Variants in CROCC observed in about 807,000 individuals in gnomAD.
The protein encoded by CROCC is ciliary rootlet coiled-coil, rootletin.
CROCC carries 180 observed loss-of-function variants against 245.2 expected under a neutral mutation model. The observed-to-expected ratio is 0.73, with a 90% CI of 0.65 to 0.83. CROCC has a LOEUF of 0.83. CROCC is among the 40% of genes least tolerant of loss of function. CROCC has a pLI of 0.00. For missense variants in CROCC, 2,688 were observed against 2,779.4 expected (o/e 0.97, Z 0.74); for synonymous variants, 1,205 against 1,241.6 (o/e 0.97, Z 0.62).
chr1:16,970,428 T>C lies in CROCC; in HGVS notation c.5627T>C (p.Val1876Ala). 2 of 1,600,158 alleles carry C rather than the reference T, an allele frequency of 1.2e-6. No individual in the cohort carries two copies. Among genetic ancestry groups the C allele is most frequent in the Middle Eastern group, 1.8e-4 (1 of 5,628 alleles). ...GCCCTGCGGCTGGAGAAGGACCGTG[T>C]AGCCCTCAGGAGGACGCTGGACAAG... ...RSALRLEKDR[V>A]ALRRTLDKVE... The change falls in exon 34 of 37, where the codon GTA becomes GCA. Residue 1876 changes from valine to alanine, a missense_variant. By Grantham distance (64) the Val-to-Ala change is moderately conservative. Around this residue, in one of 9 missense-constraint regions of CROCC, gnomAD observed 1,218 missense variants for 1,286.3 expected, o/e 0.95. Coordinates refer to ENST00000375541, the MANE Select transcript of CROCC (RefSeq NM_014675.5).
Position 16,968,188 on chromosome 1 carries a change from C to T in CROCC, c.4861-15C>T. On this transcript the variant is annotated splice_polypyrimidine_tract_variant and intron_variant, in intron 30 of 36. Coordinates refer to ENST00000375541, the MANE Select transcript of CROCC (RefSeq NM_014675.5). ...TGCACTGGACGTCTGGGCCTGAGCC[C>T]CATGCCACCTGCAGGAGAAGATCAG... 6.4e-7 allele frequency: 1 copy of T among 1,553,650 alleles called. No individual in the cohort carries two copies. The highest frequency in any genetic ancestry group is 8.7e-7 in the Non-Finnish European group (1 of 1,149,516).
At chr1:16,969,617 C>T (rs1389585459) in intron 32 of CROCC, among the ~76,000 whole-genome samples, 168 bp from the exon 33 acceptor site, 1 of 152,172 alleles carries the variant, frequency 6.6e-6, no homozygotes, top group Non-Finnish European at 1.5e-5. Flanking sequence ...GTGGGTCCCA[C>T]CTTATGCAGG....
rs1288246558 is a variant in CROCC at position 16,943,959 on chromosome 1, GGGT to G, written c.1809-137_1809-135del. The G allele has an allele frequency of 5.3e-5, 43 of 815,274 alleles. No homozygotes were observed. The East Asian group carries it at 1.1e-3, about 21-fold the overall frequency. The allele number at this position is 815,274 out of a possible 1,614,324, so 50.5% of individuals were successfully genotyped here. A position where few individuals can be genotyped will look rare whatever the true frequency, so the allele number is the denominator to read the frequency against. On this transcript the variant is annotated intron_variant, in intron 13 of 36. Coordinates refer to ENST00000375541, the MANE Select transcript of CROCC (RefSeq NM_014675.5). ...GAGTGAAATGAGTCAGCCATGGACA[GGGT>G]GGTCAGGGAAGGCTTCCTGGAGGCA...
At chr1:16,915,942 G>A (rs1570563087) in intron 1 of CROCC, among the ~76,000 whole-genome samples, 2 of 152,396 alleles carry the variant, frequency 1.3e-5, no homozygotes, top group Admixed American at 1.3e-4. Flanking sequence ...ACTTTGGGAG[G>A]CTAAGGTGGG....
intron 1 of CROCC, among the ~76,000 whole-genome samples, chr1:16,915,074 C>T (rs1329205629): frequency 6.6e-6 from 1 of 151,498 alleles, no homozygotes; most frequent in South Asian, 2.1e-4. Flanking sequence ...TGACTTAACC[C>T]TCCCCTCCCC....
chr1:16,955,021 C>A, intron 23 of CROCC, 144 bp downstream of exon 23: 1 of 1,152,892 alleles, frequency 8.7e-7, no homozygotes, highest in Non-Finnish European at 1.2e-6. Flanking sequence ...AAGGAGGCAG[C>A]AAGCACTACG....
intron 20 of CROCC, among the ~76,000 whole-genome samples, chr1:16,952,112 C>T (rs1202566429): frequency 6.6e-6 from 1 of 151,298 alleles, no homozygotes; most frequent in African/African-American, 2.4e-5. Flanking sequence ...GTGTCTCGAA[C>T]TTTTGACCTC....
intron 1 of CROCC, among the ~76,000 whole-genome samples, chr1:16,915,252 C>G (rs527785090): frequency 6.6e-6 from 1 of 152,416 alleles, no homozygotes; most frequent in Admixed American, 6.5e-5. Flanking sequence ...TGACCCCAGC[C>G]AGAGCCAAGG....
At chr1:16,964,227 G>T (rs1422229763) in intron 27 of CROCC, among the ~76,000 whole-genome samples, 4 of 150,000 alleles carry the variant, frequency 2.7e-5, no homozygotes, top group Non-Finnish European at 5.9e-5. Context: ...TGTCTCCAGG[G>T]TTCAAGTGCT....
intron 1 of CROCC, among the ~76,000 whole-genome samples, chr1:16,914,518 C>G (rs2075283219): frequency 6.6e-6 from 1 of 152,288 alleles, no homozygotes; most frequent in African/African-American, 2.4e-5. Flanking sequence ...CCGCCCTGCA[C>G]TGCCCTCCTC....
chr1:16,966,554 G>C lies in CROCC; in HGVS notation c.4843G>C (p.Glu1615Gln). 1 of 1,490,732 alleles carries C rather than the reference G, an allele frequency of 6.7e-7. No homozygotes were observed. Among genetic ancestry groups the C allele is most frequent in the Non-Finnish European group, 8.9e-7 (1 of 1,122,918 alleles). The allele number at this position is 1,490,732 out of a possible 1,614,324, so 92.3% of individuals were successfully genotyped here. Residue 1615 changes from glutamate to glutamine, a missense_variant, in exon 30 of 37, where the codon GAG becomes CAG. By Grantham distance (29) the Glu-to-Gln change is conservative. Around this residue, in one of 9 missense-constraint regions of CROCC, gnomAD observed 1,218 missense variants for 1,286.3 expected, o/e 0.95. Transcript: ENST00000375541. This position sits in a 1 kb window ranked among gnomAD's most constrained non-coding sequence, Gnocchi z 4.8. ...LERSLQATES[E>Q]LRASQEKISK... ...GAGGAGCCTGCAGGCCACCGAGAGC[G>C]AGCTCCGGGCCAGCCAGGTGGGCAG... is the stretch of plus-strand genomic sequence containing the variant.
chr1:16,971,662 T>C lies in CROCC; in HGVS notation c.5967+15T>C. 6.8e-7 allele frequency: 1 copy of C among 1,466,358 alleles called. No individual in the cohort carries two copies. Among genetic ancestry groups the C allele is most frequent in the Middle Eastern group, 2.0e-4 (1 of 4,972 alleles). 90.8% of individuals were successfully genotyped at this position (1,466,358 alleles called of 1,614,324 possible). On this transcript the variant is annotated intron_variant, in intron 36 of 36. Coordinates refer to ENST00000375541, the MANE Select transcript of CROCC (RefSeq NM_014675.5). ...TGGAGGAGCAGGTGTGCAGGCCCCC[T>C]TAGAAGGCTGGGCCAGGATGGATGT... is the stretch of plus-strand genomic sequence containing the variant.
chr1:16,931,297 A>G lies in CROCC; in HGVS notation c.856A>G (p.Asn286Asp). 6.2e-7 allele frequency: 1 copy of G among 1,610,806 alleles called. No individual in the cohort carries two copies. Among genetic ancestry groups the G allele is most frequent in the Non-Finnish European group, 8.5e-7 (1 of 1,177,776 alleles). Residue 286 changes from asparagine (N) to aspartate (D), a missense_variant, in exon 8 of 37, where the codon AAC (asparagine) becomes GAC (aspartate). This residue lies in a region of CROCC where 972 missense variants were observed against 895.3 expected (regional missense o/e 1.09). Coordinates refer to ENST00000375541, the MANE Select transcript of CROCC (RefSeq NM_014675.5). ...AAWRREEESF[N>D]AYFSNEHSRL... ...CGGCATGTCTTCCCTCCAGTCCTTC[A>G]ACGCCTACTTCAGCAACGAGCACAG...
upstream of CROCC, among the ~76,000 whole-genome samples, chr1:16,919,472 A>G (rs1479752034): frequency 3.1e-4 from 48 of 152,394 alleles, no homozygotes; most frequent in South Asian, 9.7e-3. Flanking sequence ...CCAGGGACGG[A>G]GGGCTGAGGC....
rs2076444732 is a variant in CROCC at position 16,967,893 on chromosome 1, C to T, written c.4861-310C>T. On this transcript the variant is annotated intron_variant, in intron 30 of 36. Coordinates refer to ENST00000375541, the MANE Select transcript of CROCC (RefSeq NM_014675.5). ...CCTGTGAGCACCCAGGTTGTGGTAC[C>T]CTGGGACCAATCCAGTGTCCCTACT... 4.6e-5 allele frequency among the ~76,000 whole-genome samples: 7 copies of T among 152,290 alleles called. No individual in the cohort carries two copies. The South Asian group carries it at 1.5e-3, about 32-fold the overall frequency.
Position 16,922,657 on chromosome 1 carries a change from C to G in CROCC, c.61-6C>G, listed in dbSNP as rs758299520. On this transcript the variant is annotated splice_region_variant and splice_polypyrimidine_tract_variant and intron_variant, in intron 1 of 36. Transcript: ENST00000375541. ...TCCCCTGAAGACCCTCTCGCTTTTC[C>G]CACAGACACTGGAGAGCAGCGTCCT... 6.3e-7 allele frequency: 1 copy of G among 1,599,836 alleles called. No individual in the cohort carries two copies. The highest frequency in any genetic ancestry group is 8.5e-7 in the Non-Finnish European group (1 of 1,173,210).
intron 19 of CROCC, 49 bp from the exon 20 acceptor site, chr1:16,950,904 G>C (rs2076148297): frequency 6.9e-7 from 1 of 1,452,836 alleles, no homozygotes; most frequent in South Asian, 1.5e-5. Flanking sequence ...GCTGGCCCAA[G>C]GAAAAGTTTC....
intron 27 of CROCC, 25 bp from the exon 28 acceptor site, chr1:16,965,698 T>A (rs990586202): frequency 1.9e-6 from 3 of 1,553,908 alleles, no homozygotes; most frequent in Non-Finnish European, 2.7e-6. Flanking sequence ...TCTGCATCAC[T>A]GAGCAAGTCT....
chr1:16,924,280 C>G (rs1354232099), intron 2 of CROCC, 45 bp from the exon 3 acceptor site: 1 of 1,595,780 alleles, frequency 6.3e-7, no homozygotes, highest in African/African-American at 1.3e-5. Context: ...GGAGGATGTC[C>G]CACTGGACCC....
Sources: gnomAD v4.1 joint callset for allele counts (sites outside exome capture counted in the v4.1 genomes callset) on GRCh38, gnomAD v4.1.1 for gene constraint, gnomAD v4.1.1 regional missense constraint, Gnocchi (gnomAD v3.1) non-coding constraint, MANE v1.5 for transcripts, NCBI Gene and HGNC (gene_info 2026-07-23, HGNC 2026-07-21) for gene names.